The following PPP2R3C variants were observed in gnomAD, a reference collection of about 807,000 sequenced individuals.
PPP2R3C encodes protein phosphatase 2 regulatory subunit B''gamma.
Under a neutral mutation model 63.7 loss-of-function variants are expected in PPP2R3C, and 47 were observed. That is an observed-to-expected ratio of 0.74 (90% CI 0.58 to 0.94). The LOEUF is 0.94. PPP2R3C is among the 40% of genes least tolerant of loss of function. The pLI is 0.00. For synonymous variants in PPP2R3C, 180 were observed against 177.4 expected (o/e 1.01, Z -0.12); for missense variants, 421 against 518.4 (o/e 0.81, Z 1.82).
At chr14:35,104,364 G>A (rs754664043) in intron 6 of PPP2R3C, among the ~76,000 whole-genome samples, 2 of 152,160 alleles carry the variant, frequency 1.3e-5, no homozygotes, top group Non-Finnish European at 2.9e-5. Context: ...AAAACAGAAT[G>A]CAACAAATTA....
chr14:35,097,292 T>G (rs1213659403), intron 7 of PPP2R3C, among the ~76,000 whole-genome samples: 1 of 151,916 alleles, frequency 6.6e-6, no homozygotes, highest in Non-Finnish European at 1.5e-5. Flanking sequence ...ACTATATAAA[T>G]CTAAGTGGTA....
chr14:35,090,905 C>T (rs1322096608), intron 11 of PPP2R3C, among the ~76,000 whole-genome samples, 165 bp downstream of exon 11: 4 of 151,820 alleles, frequency 2.6e-5, no homozygotes, highest in African/African-American at 4.8e-5. Flanking sequence ...TTAGTAGAGA[C>T]GGGGTTTCAC....
At chr14:35,118,483 C>T (rs2046769370) in intron 1 of PPP2R3C, among the ~76,000 whole-genome samples, 1 of 152,198 alleles carries the variant, frequency 6.6e-6, no homozygotes, top group Admixed American at 6.5e-5. Flanking sequence ...TATTTCTCTC[C>T]ACACTAAAGT....
At chr14:35,093,999 C>T (rs1368383692) in intron 10 of PPP2R3C, among the ~76,000 whole-genome samples, 1 of 152,096 alleles carries the variant, frequency 6.6e-6, no homozygotes, top group Admixed American at 6.6e-5. Context: ...AAGTATTTTG[C>T]ATTGTTATAA....
chr14:35,122,074 C>T, upstream of PPP2R3C: 3 of 1,086,626 alleles, frequency 2.8e-6, no homozygotes, highest in Non-Finnish European at 4.1e-6. Context: ...CGTCCAACCA[C>T]CATCTTGATC....
chr14:35,085,789 A>C lies in PPP2R3C; in HGVS notation c.1174-11T>G. 1.9e-6 allele frequency: 3 copies of C among 1,578,124 alleles called. No homozygotes were observed. In the Admixed American group the frequency reaches 5.5e-5, roughly 29 times the overall value. On this transcript the variant is annotated splice_polypyrimidine_tract_variant and intron_variant, in intron 12 of 12. Coordinates refer to ENST00000261475, the MANE Select transcript of PPP2R3C (RefSeq NM_017917.4). ...GTCAAAGATTTCATCCTGCAAGAGA[A>C]AAAAAAATACAATGAAATTTGATCC...
intron 10 of PPP2R3C, among the ~76,000 whole-genome samples, chr14:35,092,629 G>A (rs1178179771): frequency 6.6e-6 from 1 of 151,806 alleles, no homozygotes. Context: ...ACCACGCCTG[G>A]CTAATTTTGT....
intron 6 of PPP2R3C, chr14:35,102,226 G>C (rs1428034669): frequency 6.6e-6 from 1 of 152,146 alleles, no homozygotes; most frequent in Non-Finnish European, 1.5e-5. Flanking sequence ...GTTTCGCCAT[G>C]TTGGCCAGGC....
At chr14:35,094,453 G>A (rs1355877152) in intron 10 of PPP2R3C, among the ~76,000 whole-genome samples, 3 of 150,250 alleles carry the variant, frequency 2.0e-5, no homozygotes, top group East Asian at 2.0e-4. Flanking sequence ...ATAACCATAA[G>A]CTACCAAGCC....
intron 11 of PPP2R3C, among the ~76,000 whole-genome samples, chr14:35,090,237 G>GTTTTT (rs34745484): frequency 8.6e-5 from 10 of 116,900 alleles, no homozygotes; most frequent in Non-Finnish European, 1.7e-4. Context: ...GGTAGTTGTA[G>GTTTTT]TTTTTTTTTT....
intron 4 of PPP2R3C, 31 bp downstream of exon 4, chr14:35,109,788 C>A: frequency 6.7e-7 from 1 of 1,496,190 alleles, no homozygotes. Context: ...CTTAACATAA[C>A]ACATTCTTTT....
intron 7 of PPP2R3C, among the ~76,000 whole-genome samples, chr14:35,098,346 GTTTTTTTTT>G (rs376634061): frequency 3.2e-5 from 3 of 94,038 alleles, no homozygotes; most frequent in Non-Finnish European, 4.1e-5. Flanking sequence ...CGCCTGGCTA[GTTTTTTTTT>G]TTTTTTTTTT....
At chr14:35,093,085 C>G (rs953219451) in intron 10 of PPP2R3C, among the ~76,000 whole-genome samples, 1 of 151,970 alleles carries the variant, frequency 6.6e-6, no homozygotes, top group African/African-American at 2.4e-5. Flanking sequence ...TGGTGGCGGG[C>G]GCCTGTAGTC....
In PPP2R3C at chr14:35,109,881, C is replaced by T; in HGVS notation, c.342G>A (p.Glu114=). Residue 114 remains glutamate, a synonymous_variant, in exon 4 of 13, where the codon GAG becomes GAA. Coordinates refer to ENST00000261475, the MANE Select transcript of PPP2R3C (RefSeq NM_017917.4). ...DKHQTPPMIG[E]EAMINYENFL... ...AGTTTTCGTAATTGATCATCGCTTC[C>T]TCTCCAATCATAGGTGGTGTCTGGT... 6.2e-7 allele frequency: 1 copy of T among 1,612,272 alleles called. No homozygotes were observed. The highest frequency in any genetic ancestry group is 1.3e-5 in the African/African-American group (1 of 75,024).
intron 11 of PPP2R3C, 119 bp from the exon 12 acceptor site, chr14:35,088,129 C>T: frequency 1.3e-6 from 1 of 749,646 alleles, no homozygotes; most frequent in South Asian, 1.5e-5. Context: ...CCTCATCATT[C>T]TCTCTCTTGC....
chr14:35,085,565 A>G lies in PPP2R3C; in HGVS notation c.*25T>C, dbSNP rs968723063. 1 of 1,564,694 alleles carries G rather than the reference A, an allele frequency of 6.4e-7. No homozygotes were observed. Among genetic ancestry groups the G allele is most frequent in the Non-Finnish European group, 8.7e-7 (1 of 1,154,972 alleles). Reference sequence around the variant, plus strand: ...ATGCAGCATTCAAGTATCTCATAATATAAGACAGTCTAGTCTTTCAGAGAT... The same window carrying G: ...ATGCAGCATTCAAGTATCTCATAATGTAAGACAGTCTAGTCTTTCAGAGAT... On this transcript the variant is annotated 3_prime_UTR_variant, in exon 13 of 13. Coordinates refer to ENST00000261475, the MANE Select transcript of PPP2R3C (RefSeq NM_017917.4).
intron 5 of PPP2R3C, 80 bp from the exon 6 acceptor site, chr14:35,107,454 G>T: frequency 8.7e-7 from 1 of 1,151,746 alleles, no homozygotes; most frequent in South Asian, 1.3e-5. Context: ...AGCCAGATTT[G>T]AGACAAGCTA....
chr14:35,121,947 C>T lies in PPP2R3C; in HGVS notation c.13G>A (p.Glu5Lys), dbSNP rs1248551161. The change falls in exon 1 of 13, where the codon GAA becomes AAA. Residue 5 changes from glutamate to lysine, a missense_variant. Physicochemically the swap from Glu to Lys is moderately conservative, Grantham distance 56. Around this residue, in one of 3 missense-constraint regions of PPP2R3C, gnomAD observed 143 missense variants for 151.2 expected, o/e 0.95. Coordinates refer to ENST00000261475, the MANE Select transcript of PPP2R3C (RefSeq NM_017917.4). ...GTCGCTAGGCGCCGACGAAGAACTT[C>T]TTTCCAGTCCATGGCCGACTTCCGC... MDWK[E>K]VLRRRLATPN... 1 of 1,614,192 alleles carries T rather than the reference C, an allele frequency of 6.2e-7. No homozygotes were observed.
chr14:35,114,468 G>T (rs1282700097), intron 2 of PPP2R3C, among the ~76,000 whole-genome samples: 1 of 152,120 alleles, frequency 6.6e-6, no homozygotes, highest in East Asian at 1.9e-4. Flanking sequence ...ACCTTAATCT[G>T]TAAGAACACC....
Sources: gnomAD v4.1 joint callset for allele counts (sites outside exome capture counted in the v4.1 genomes callset) on GRCh38, gnomAD v4.1.1 for gene constraint, gnomAD v4.1.1 regional missense constraint, MANE v1.5 for transcripts, NCBI Gene and HGNC (gene_info 2026-07-23, HGNC 2026-07-21) for gene names.